The following CAPRIN1 variants were observed in gnomAD, a reference collection of about 807,000 sequenced individuals.
CAPRIN1 encodes the protein cell cycle associated protein 1.
A neutral mutation model predicts 100.9 loss-of-function variants in CAPRIN1; 29 were observed. The observed-to-expected ratio is 0.29, with a 90% CI of 0.21 to 0.39. CAPRIN1 has a LOEUF of 0.39. CAPRIN1 is among the 10% of genes least tolerant of loss of function. The pLI, the probability that CAPRIN1 is intolerant of heterozygous loss-of-function variation, is 1.00. For missense variants in CAPRIN1, 795 were observed against 876.7 expected, an observed-to-expected ratio of 0.91 and a Z score of 1.18; for synonymous variants, 338 against 307.5, an observed-to-expected ratio of 1.10 and a Z score of -1.04.
In CAPRIN1 at chr11:34,099,970, T is replaced by A. The variant is rs1326735707; in HGVS notation, c.*603T>A. ...GTTCATCTGGCCAAACAACTGTGGT[T>A]AAAAACACATGTAAAATGCTTTTTA... On this transcript the variant is annotated 3_prime_UTR_variant, in exon 19 of 19. Transcript: ENST00000341394. The A allele has an allele frequency of 1.3e-5, 2 of 152,730 alleles. No individual in the cohort carries two copies. The highest frequency in any genetic ancestry group is 2.4e-5 in the African/African-American group (1 of 41,456). 9.5% of individuals were successfully genotyped at this position (152,730 alleles called of 1,614,324 possible). A position where few individuals can be genotyped will look rare whatever the true frequency, so the allele number is the denominator to read the frequency against.
At position 34,096,578 on chromosome 11, in the gene CAPRIN1, A is replaced by G; in HGVS notation, c.1805A>G (p.Gln602Arg). The G allele has an allele frequency of 6.2e-7, 1 of 1,614,112 alleles. No individual in the cohort carries two copies. The highest frequency in any genetic ancestry group is 8.5e-7 in the Non-Finnish European group (1 of 1,179,980). ...AACACTGGATTTCCACGTAGCAATCAGCCCTATTACAATAGTCGTGGTGTG... is the reference window on the plus strand; with the variant it reads ...AACACTGGATTTCCACGTAGCAATCGGCCCTATTACAATAGTCGTGGTGTG... ...QQNTGFPRSN[Q>R]PYYNSRGVSR... The change falls in exon 16 of 19, where the codon CAG becomes CGG. Residue 602 changes from glutamine to arginine, a missense_variant. Gln to Arg is a conservative substitution (Grantham distance 43). This residue lies in a region of CAPRIN1 where 648 missense variants were observed against 697.9 expected (regional missense o/e 0.93). Transcript: ENST00000341394.
intron 6 of CAPRIN1, 118 bp downstream of exon 6, chr11:34,076,760 A>G (rs552472187): frequency 3.3e-5 from 23 of 703,864 alleles, no homozygotes; most frequent in Non-Finnish European, 4.9e-5. Context: ...TTGGAGACAG[A>G]GTCTACTCTG....
chr11:34,059,027 T>C (rs1346942088), intron 2 of CAPRIN1, among the ~76,000 whole-genome samples: 3 of 152,188 alleles, frequency 2.0e-5, no homozygotes, highest in African/African-American at 7.2e-5. Context: ...TCATCCAAAG[T>C]TGGAACTGTA....
chr11:34,096,502 C>T lies in CAPRIN1; in HGVS notation c.1729C>T (p.Pro577Ser). Reference sequence around the variant, plus strand: ...AGTGGTTGGCACTTACCATGGTTCCCCAGACCAGTCCCATCAAGTGACTGG... The same window carrying T: ...AGTGGTTGGCACTTACCATGGTTCCTCAGACCAGTCCCATCAAGTGACTGG... ...QTVVGTYHGSPDQSHQVTGNH... is the reference protein window; with the variant it reads ...QTVVGTYHGSSDQSHQVTGNH... The change falls in exon 16 of 19, where the codon CCA (proline) becomes TCA (serine). Residue 577 changes from proline to serine, a missense_variant. Coordinates refer to ENST00000341394, the MANE Select transcript of CAPRIN1 (RefSeq NM_005898.5). 1.9e-6 allele frequency: 3 copies of T among 1,613,828 alleles called. No individual in the cohort carries two copies. Among genetic ancestry groups the T allele is most frequent in the South Asian group, 1.1e-5 (1 of 91,052 alleles).
chr11:34,098,555 TAAG>T (rs1434387907), intron 18 of CAPRIN1: 3 of 985,330 alleles, frequency 3.0e-6, no homozygotes, highest in Non-Finnish European at 3.6e-6. Flanking sequence ...AAATGTGTGT[TAAG>T]GAGGAATTAC....
chr11:34,079,331 C>G (rs1850965012), intron 6 of CAPRIN1, among the ~76,000 whole-genome samples: 1 of 152,158 alleles, frequency 6.6e-6, no homozygotes, highest in East Asian at 1.9e-4. Context: ...ATCTGGGAGG[C>G]AGAGGTTGCA....
At chr11:34,052,704 C>G (rs575514630) in intron 2 of CAPRIN1, 68 bp downstream of exon 2, 1 of 1,494,454 alleles carries the variant, frequency 6.7e-7, no homozygotes, top group African/African-American at 1.4e-5. Flanking sequence ...CGACCCTGGT[C>G]GCTGGAGCCT....
intron 17 of CAPRIN1, 144 bp from the exon 18 acceptor site, chr11:34,097,554 G>C: frequency 1.2e-6 from 1 of 838,064 alleles, no homozygotes. Context: ...AACAATTACA[G>C]AACAAGGTGT....
intron 11 of CAPRIN1, among the ~76,000 whole-genome samples, chr11:34,086,814 CTGTT>C (rs1205307583): frequency 6.6e-6 from 1 of 152,164 alleles, no homozygotes; most frequent in African/African-American, 2.4e-5. Context: ...CCAGTTTTGT[CTGTT>C]TTTGTAACTT....
At chr11:34,059,801 T>G (rs2134086735) in intron 2 of CAPRIN1, among the ~76,000 whole-genome samples, 1 of 152,230 alleles carries the variant, frequency 6.6e-6, no homozygotes, top group Non-Finnish European at 1.5e-5. Context: ...GTTTTTTTAT[T>G]GAAATTGATT....
chr11:34,068,205 T>C (rs1850737854), intron 2 of CAPRIN1, among the ~76,000 whole-genome samples: 1 of 152,210 alleles, frequency 6.6e-6, no homozygotes, highest in South Asian at 2.1e-4. Flanking sequence ...CCTCATCATG[T>C]GGCAGTCTCA....
chr11:34,066,158 CAG>C (rs1235007659), intron 2 of CAPRIN1, among the ~76,000 whole-genome samples: 1 of 151,854 alleles, frequency 6.6e-6, no homozygotes, highest in Non-Finnish European at 1.5e-5. Context: ...GTATTTTTTG[CAG>C]AGACAGGGTT....
chr11:34,084,476 G>A (rs1489277248), intron 9 of CAPRIN1, among the ~76,000 whole-genome samples: 1 of 152,186 alleles, frequency 6.6e-6, no homozygotes, highest in African/African-American at 2.4e-5. Context: ...AAGATTAGTA[G>A]AGGTGATTTA....
intron 6 of CAPRIN1, among the ~76,000 whole-genome samples, chr11:34,078,375 C>T (rs915641081): frequency 2.6e-5 from 4 of 152,194 alleles, no homozygotes; most frequent in African/African-American, 7.2e-5. Flanking sequence ...AATACACAAG[C>T]TAAGAAAATT....
At chr11:34,094,219 A>G (rs1489761180) in intron 15 of CAPRIN1, among the ~76,000 whole-genome samples, 1 of 151,616 alleles carries the variant, frequency 6.6e-6, no homozygotes, top group Admixed American at 6.6e-5. Flanking sequence ...GCTCACTGCA[A>G]CCTCCGCCTC....
At chr11:34,066,361 T>C (rs1850693307) in intron 2 of CAPRIN1, among the ~76,000 whole-genome samples, 1 of 151,984 alleles carries the variant, frequency 6.6e-6, no homozygotes, top group African/African-American at 2.4e-5. Context: ...TGAGACAGAT[T>C]CTCACTCTGT....
chr11:34,055,725 C>G (rs1850435763), intron 2 of CAPRIN1: 1 of 152,160 alleles, frequency 6.6e-6, no homozygotes. Context: ...AATGGAGATT[C>G]AACAAACTGC....
intron 7 of CAPRIN1, among the ~76,000 whole-genome samples, chr11:34,081,561 T>C (rs1342153180): frequency 6.6e-6 from 1 of 152,036 alleles, no homozygotes; most frequent in African/African-American, 2.4e-5. Flanking sequence ...TCGCATGATC[T>C]TGGCTCACTG....
chr11:34,079,412 A>G (rs1350664815), intron 6 of CAPRIN1, among the ~76,000 whole-genome samples: 1 of 152,104 alleles, frequency 6.6e-6, no homozygotes, highest in African/African-American at 2.4e-5. Flanking sequence ...AAACAAACAA[A>G]CAAAAACCCC....
Sources: gnomAD v4.1 joint callset for allele counts (sites outside exome capture counted in the v4.1 genomes callset) on GRCh38, gnomAD v4.1.1 for gene constraint, gnomAD v4.1.1 regional missense constraint, MANE v1.5 for transcripts, NCBI Gene and HGNC (gene_info 2026-07-23, HGNC 2026-07-21) for gene names.